Variants in SPOCK3 observed in about 807,000 individuals in gnomAD.
The protein encoded by SPOCK3 is SPARC (osteonectin), cwcv and kazal like domains proteoglycan 3, also known as testican-3.
SPOCK3 carries 30 observed loss-of-function variants against 56.6 expected under a neutral mutation model. The ratio of observed to expected loss-of-function variants is 0.53; its 90% confidence interval spans 0.40 to 0.72. The LOEUF (loss-of-function observed/expected upper bound fraction) is 0.72. SPOCK3 is among the 30% of genes least tolerant of loss of function. The pLI, the probability that SPOCK3 is intolerant of heterozygous loss-of-function variation, is 0.00. For synonymous variants in SPOCK3, 196 were observed against 183.3 expected (o/e 1.07, Z -0.56); for missense variants, 527 against 530.0 (o/e 0.99, Z 0.06).
At chr4:167,049,183 C>T (rs909754567) in intron 3 of SPOCK3, among the ~76,000 whole-genome samples, 2 of 151,468 alleles carry the variant, frequency 1.3e-5, no homozygotes. Flanking sequence ...CAGCTCACTG[C>T]AACCTCTGCC....
chr4:166,796,845 A>G (rs534182136), intron 6 of SPOCK3, among the ~76,000 whole-genome samples: 6 of 152,198 alleles, frequency 3.9e-5, no homozygotes, highest in Non-Finnish European at 7.4e-5. Context: ...AGTGTAGTAC[A>G]GTTAAAATCT....
chr4:166,869,707 T>C (rs879627574), intron 6 of SPOCK3, among the ~76,000 whole-genome samples: 3 of 151,768 alleles, frequency 2.0e-5, no homozygotes, highest in African/African-American at 7.3e-5. Context: ...CCCATACTTA[T>C]ACTAAGAAAA....
intron 2 of SPOCK3, among the ~76,000 whole-genome samples, chr4:167,186,894 T>C (rs1334136744): frequency 6.8e-6 from 1 of 146,436 alleles, no homozygotes; most frequent in Admixed American, 7.0e-5. Context: ...GGAGAATCGC[T>C]GGAACCCGGG....
At chr4:167,179,667 G>A (rs1209976371) in intron 2 of SPOCK3, among the ~76,000 whole-genome samples, 8 of 152,012 alleles carry the variant, frequency 5.3e-5, no homozygotes, top group Non-Finnish European at 1.0e-4. Flanking sequence ...ACCTTCTAAA[G>A]AAGTAGACTT....
At chr4:166,919,724 A>C (rs1738278184) in intron 4 of SPOCK3, among the ~76,000 whole-genome samples, 1 of 152,210 alleles carries the variant, frequency 6.6e-6, no homozygotes, top group Non-Finnish European at 1.5e-5. Context: ...GTTATAATGG[A>C]CAAGAAATCT....
At chr4:167,146,367 C>T (rs1032497020) in intron 2 of SPOCK3, among the ~76,000 whole-genome samples, 1 of 152,084 alleles carries the variant, frequency 6.6e-6, no homozygotes, top group African/African-American at 2.4e-5. Context: ...CTGTGGGAGA[C>T]TTTAACGCCT....
chr4:166,852,399 T>C (rs1730221159), intron 6 of SPOCK3, among the ~76,000 whole-genome samples: 2 of 152,040 alleles, frequency 1.3e-5, no homozygotes, highest in South Asian at 2.1e-4. Context: ...CATGATAGGA[T>C]AGGAGGTCAG....
At chr4:167,171,228 T>C (rs1730470243) in intron 2 of SPOCK3, among the ~76,000 whole-genome samples, 1 of 152,162 alleles carries the variant, frequency 6.6e-6, no homozygotes, top group Non-Finnish European at 1.5e-5. Flanking sequence ...TTATTCAAAC[T>C]AACCAGCTGC....
chr4:166,747,087 C>T (rs1479474746), intron 8 of SPOCK3, among the ~76,000 whole-genome samples: 3 of 7,186 alleles, frequency 4.2e-4, no homozygotes, highest in Non-Finnish European at 8.7e-4. Context: ...CCTTCTGAAA[C>T]TATTCCAATC....
At chr4:167,102,170 C>A (rs1460689890) in intron 2 of SPOCK3, among the ~76,000 whole-genome samples, 1 of 152,038 alleles carries the variant, frequency 6.6e-6, no homozygotes, top group Non-Finnish European at 1.5e-5. Flanking sequence ...CAGATTGAAA[C>A]CTCAGGTAAC....
At chr4:166,923,533 A>C (rs961360675) in intron 4 of SPOCK3, among the ~76,000 whole-genome samples, 4 of 152,202 alleles carry the variant, frequency 2.6e-5, no homozygotes, top group Non-Finnish European at 4.4e-5. Flanking sequence ...AATTCCATGC[A>C]TAAATTCACA....
chr4:167,061,787 A>G (rs1392105159), intron 3 of SPOCK3, among the ~76,000 whole-genome samples: 1 of 152,004 alleles, frequency 6.6e-6, no homozygotes, highest in Non-Finnish European at 1.5e-5. Context: ...TACTTTGCAG[A>G]GACTACAGAA....
At chr4:167,053,961 C>A (rs1383893114) in intron 3 of SPOCK3, among the ~76,000 whole-genome samples, 2 of 152,056 alleles carry the variant, frequency 1.3e-5, no homozygotes, top group Non-Finnish European at 2.9e-5. Flanking sequence ...GTATATTGAT[C>A]TTCTTCATTT....
intron 2 of SPOCK3, among the ~76,000 whole-genome samples, chr4:167,139,570 A>G (rs1156453223): frequency 1.3e-5 from 2 of 152,038 alleles, no homozygotes; most frequent in Non-Finnish European, 2.9e-5. Context: ...TTCAATATAT[A>G]AAAGTGCTTT....
chr4:166,737,074 A>C lies in SPOCK3; in HGVS notation c.1132+393T>G, dbSNP rs147459891. ...TGGCTGGTGAACCCACATATTCCCT[A>C]AGTTACCATCTCCAGAGGTATACAG... On this transcript the variant is annotated intron_variant, in intron 10 of 10. Coordinates refer to ENST00000357545, the MANE Select transcript of SPOCK3 (RefSeq NM_001040159.2). Among the ~76,000 whole-genome samples, 10 of 152,184 alleles carry C rather than the reference A, an allele frequency of 6.6e-5. No individual in the cohort carries two copies. The East Asian group carries it at 1.9e-3, about 29-fold the overall frequency.
At chr4:166,745,859 T>G (rs1735540757) in intron 8 of SPOCK3, among the ~76,000 whole-genome samples, 3 of 152,070 alleles carry the variant, frequency 2.0e-5, no homozygotes, top group Admixed American at 2.0e-4. Flanking sequence ...AAAACAGACT[T>G]TAAACCAACA....
At chr4:167,002,457 G>A (rs558518572) in intron 3 of SPOCK3, among the ~76,000 whole-genome samples, 3 of 152,018 alleles carry the variant, frequency 2.0e-5, no homozygotes, top group Admixed American at 2.0e-4. Context: ...CCATGCTAAA[G>A]TGGTCAAGAC....
intron 6 of SPOCK3, among the ~76,000 whole-genome samples, chr4:166,856,417 A>G (rs961474405): frequency 6.6e-6 from 1 of 152,210 alleles, no homozygotes; most frequent in Non-Finnish European, 1.5e-5. Flanking sequence ...TAATGAATAC[A>G]TTGTACATCA....
intron 4 of SPOCK3, among the ~76,000 whole-genome samples, chr4:166,949,806 C>T (rs1167297944): frequency 6.6e-6 from 1 of 152,052 alleles, no homozygotes; most frequent in Non-Finnish European, 1.5e-5. Context: ...AAAGAATTTT[C>T]AACCCAGAAT....
Sources: gnomAD v4.1 joint callset for allele counts (sites outside exome capture counted in the v4.1 genomes callset) on GRCh38, gnomAD v4.1.1 for gene constraint, MANE v1.5 for transcripts, NCBI Gene and HGNC (gene_info 2026-07-23, HGNC 2026-07-21) for gene names.